DMXL2: variants seen among roughly 807,000 people sequenced by gnomAD.
DMXL2 encodes the protein Dmx like 2.
DMXL2 carries 103 observed loss-of-function variants against 331.1 expected under a neutral mutation model. The ratio of observed to expected loss-of-function variants is 0.31; its 90% CI spans 0.27 to 0.37. The LOEUF is 0.37. Among genes scored for constraint, DMXL2 ranks in the 10% least tolerant of loss-of-function variants. DMXL2 has a pLI of 1.00. For synonymous variants in DMXL2, 1,281 were observed against 1,252.1 expected, an observed-to-expected ratio of 1.02 and a Z score of -0.49; for missense variants, 3,171 against 3,642.9, an observed-to-expected ratio of 0.87 and a Z score of 3.33.
At chr15:51,558,760 C>T (rs1375813380) in intron 6 of DMXL2, among the ~76,000 whole-genome samples, 1 of 152,216 alleles carries the variant, frequency 6.6e-6, no homozygotes, top group Non-Finnish European at 1.5e-5. Context: ...AGCCTACCCT[C>T]ACCTTAGAAA....
Position 51,582,154 on chromosome 15 carries a change from C to T in DMXL2, c.88-5973G>A, listed in dbSNP as rs554509680. On this transcript the variant is annotated intron_variant, in intron 1 of 43. Transcript: ENST00000560891. ...TGACAAGTATTATACTATTTTCATT[C>T]TATATTCCTAATCTTTCTTTCAAGA... 2.0e-5 allele frequency among the ~76,000 whole-genome samples: 3 copies of T among 152,178 alleles called. No individual in the cohort carries two copies. In the South Asian group the frequency reaches 6.2e-4, roughly 32 times the overall value.
intron 1 of DMXL2, among the ~76,000 whole-genome samples, chr15:51,579,460 C>T (rs1595595920): frequency 1.3e-5 from 2 of 152,264 alleles, no homozygotes; most frequent in East Asian, 3.9e-4. Context: ...GGTTTTAAGG[C>T]ATGTTTAATG....
At chr15:51,560,261 T>C (rs1012722215) in intron 6 of DMXL2, among the ~76,000 whole-genome samples, 6 of 152,186 alleles carry the variant, frequency 3.9e-5, no homozygotes, top group Admixed American at 1.3e-4. Flanking sequence ...ACTTCAAAAG[T>C]AGATACTGAA....
chr15:51,536,897 G>C (rs1309140327), intron 11 of DMXL2, 35 bp from the exon 12 acceptor site: 1 of 1,486,816 alleles, frequency 6.7e-7, no homozygotes, highest in South Asian at 1.3e-5. Context: ...AGTGCAAATA[G>C]TTTACCTCCT....
chr15:51,481,439 T>C lies in DMXL2; in HGVS notation c.5667A>G (p.Ala1889=). 1.9e-6 allele frequency: 3 copies of C among 1,612,324 alleles called. No homozygotes were observed. Among genetic ancestry groups the C allele is most frequent in the Non-Finnish European group, 2.5e-6 (3 of 1,179,358 alleles). Residue 1889 remains alanine (A), a synonymous_variant, in exon 24 of 44, where the codon GCA becomes GCG. Transcript: ENST00000560891. The part of the protein sequence containing the change: ...LIERKLFFTT[A]NAHFKVGCPV... ...GGCATCCAACTTTAAAATGAGCATT[T>C]GCAGTGGTAAAGAATAATTTTCTTT...
chr15:51,590,076 G>A (rs882386), intron 1 of DMXL2, among the ~76,000 whole-genome samples: 61,121 of 152,072 alleles, frequency 0.4, 13,845 homozygotes, highest in Non-Finnish European at 0.5. Flanking sequence ...AGCCCTGGCA[G>A]ACCACGTGAT....
chr15:51,608,080 G>C (rs1193288192), intron 1 of DMXL2, among the ~76,000 whole-genome samples: 1 of 152,080 alleles, frequency 6.6e-6, no homozygotes, highest in Non-Finnish European at 1.5e-5. Context: ...AGCTACTTGG[G>C]AGGCTGAGGC....
intron 16 of DMXL2, among the ~76,000 whole-genome samples, chr15:51,506,427 TA>T (rs2046401339): frequency 6.6e-6 from 1 of 150,528 alleles, no homozygotes; most frequent in Non-Finnish European, 1.5e-5. Context: ...CACTCAATCA[TA>T]TTTCATCAAA....
chr15:51,558,054 A>G (rs1377571113), intron 6 of DMXL2, among the ~76,000 whole-genome samples: 1 of 152,238 alleles, frequency 6.6e-6, no homozygotes, highest in African/African-American at 2.4e-5. Context: ...GCCAGTTTCA[A>G]CTGCAAGCAT....
At chr15:51,476,476 A>G in intron 27 of DMXL2, 113 bp downstream of exon 27, 1 of 1,244,118 alleles carries the variant, frequency 8.0e-7, no homozygotes, top group Non-Finnish European at 1.1e-6. Flanking sequence ...AAAAACAAAG[A>G]AAGAAAGGAA....
intron 25 of DMXL2, among the ~76,000 whole-genome samples, chr15:51,479,404 T>C (rs781424981): frequency 6.6e-6 from 1 of 152,232 alleles, no homozygotes; most frequent in Non-Finnish European, 1.5e-5. Flanking sequence ...AGCTCCCTAG[T>C]GTTTCTTGGA....
chr15:51,551,948 A>G (rs967079342), intron 6 of DMXL2, among the ~76,000 whole-genome samples: 1 of 152,228 alleles, frequency 6.6e-6, no homozygotes, highest in African/African-American at 2.4e-5. Flanking sequence ...CTGGGAGATC[A>G]GAGGATTTCT....
At position 51,484,838 on chromosome 15, in the gene DMXL2, A is replaced by G. The variant is rs768873929; in HGVS notation, c.5482+1235T>C. On this transcript the variant is annotated intron_variant, in intron 23 of 43. Transcript: ENST00000560891. The stretch of plus-strand genomic sequence containing the variant: ...ATATACAACTAAATGAAATCAGGCA[A>G]AGAATACATGATGTGAATTTGAAAT... Among the ~76,000 whole-genome samples the G allele has an allele frequency of 1.2e-4, 19 of 152,320 alleles. No individual in the cohort carries two copies. The Middle Eastern group carries it at 0.01, about 82-fold the overall frequency.
intron 18 of DMXL2, among the ~76,000 whole-genome samples, chr15:51,498,069 C>T (rs1057273710): frequency 6.6e-6 from 1 of 151,592 alleles, no homozygotes; most frequent in African/African-American, 2.4e-5. Context: ...CTAGTCCCTA[C>T]AAAAAAAATA....
chr15:51,478,457 T>C (rs1017305182), intron 25 of DMXL2, 110 bp from the exon 26 acceptor site: 5 of 890,504 alleles, frequency 5.6e-6, no homozygotes, highest in Non-Finnish European at 8.9e-6. Flanking sequence ...TAAATAAGAC[T>C]GAATCCTAGA....
chr15:51,514,459 A>C lies in DMXL2; in HGVS notation c.2627T>G (p.Phe876Cys). 6.4e-7 allele frequency: 1 copy of C among 1,563,630 alleles called. No homozygotes were observed. Among genetic ancestry groups the C allele is most frequent in the Non-Finnish European group, 8.7e-7 (1 of 1,147,684 alleles). Residue 876 changes from phenylalanine (F) to cysteine (C), a missense_variant, in exon 15 of 44, where the codon TTT (phenylalanine) becomes TGT (cysteine). By Grantham distance (205) the Phe-to-Cys change is radical. Transcript: ENST00000560891. ...EDMEKKETEI[F>C]FQPSQGYRPP... ...TAAAGTACCTTGTGATGGCTGAAAA[A>C]ATATTTCTGTTTCCTTTTTCTCCAT...
intron 39 of DMXL2, among the ~76,000 whole-genome samples, 158 bp from the exon 40 acceptor site, chr15:51,455,386 T>C (rs1048377908): frequency 2.6e-5 from 4 of 152,214 alleles, no homozygotes; most frequent in Admixed American, 6.5e-5. Flanking sequence ...TGCTAAAAAA[T>C]TCCCTGTCAC....
At chr15:51,538,032 A>G (rs2048380465) in intron 10 of DMXL2, among the ~76,000 whole-genome samples, 181 bp downstream of exon 10, 4 of 152,226 alleles carry the variant, frequency 2.6e-5, no homozygotes. Context: ...ATATAGAGTT[A>G]GATGATGTTT....
chr15:51,480,326 G>C (rs1305930409), intron 24 of DMXL2, among the ~76,000 whole-genome samples, 187 bp from the exon 25 acceptor site: 1 of 152,142 alleles, frequency 6.6e-6, no homozygotes, highest in Non-Finnish European at 1.5e-5. Flanking sequence ...AGATAAATAT[G>C]ACACAAGAAT....
Sources: allele counts gnomAD v4.1 joint callset (sites outside exome capture counted in the v4.1 genomes callset), GRCh38; gene constraint gnomAD v4.1.1; transcripts MANE v1.5; gene names NCBI Gene and HGNC (gene_info 2026-07-23, HGNC 2026-07-21).